PRSS23: variants seen among roughly 807,000 people sequenced by gnomAD.
The protein encoded by PRSS23 is serine protease 23.
A neutral mutation model predicts 34.7 loss-of-function variants in PRSS23; 25 were observed. That is an observed-to-expected ratio of 0.72 (90% CI 0.53 to 1.01). The LOEUF is 1.01. Among genes scored for constraint, PRSS23 ranks in the 50% least tolerant of loss-of-function variants. The probability of loss-of-function intolerance (pLI) is 0.00; values close to 1 mark genes in which losing one functional copy is unlikely to be tolerated. For synonymous variants in PRSS23, 176 were observed against 186.6 expected (o/e 0.94, Z 0.46); for missense variants, 445 against 475.6 (o/e 0.94, Z 0.60).
chr11:86,791,201 T>C (rs1433194728), intron 1 of PRSS23: 3 of 152,328 alleles, frequency 2.0e-5, no homozygotes, highest in African/African-American at 7.2e-5. Context: ...ATCTGGTAAG[T>C]CCCACCTCAC....
At chr11:86,862,129 A>G (rs756508698) in intron 2 of PRSS23, among the ~76,000 whole-genome samples, 2 of 151,726 alleles carry the variant, frequency 1.3e-5, no homozygotes, top group African/African-American at 2.4e-5. Context: ...TGCTTGTAGT[A>G]TCTGTTGGGG....
chr11:86,913,288 A>AAAAAACCTCAAAGATTAGCCAG (rs1555081375), intron 2 of PRSS23, among the ~76,000 whole-genome samples: 1 of 144,894 alleles, frequency 6.9e-6, no homozygotes, highest in African/African-American at 2.6e-5. Flanking sequence ...AAAAAAAAAA[A>AAAAAACCTCAAAGATTAGCCAG]AAACCTATTA....
At chr11:86,831,058 G>A (rs1009627484) in intron 2 of PRSS23, among the ~76,000 whole-genome samples, 3 of 151,880 alleles carry the variant, frequency 2.0e-5, no homozygotes, top group South Asian at 2.1e-4. Context: ...ATGTCAACGG[G>A]GTTTACAACT....
intron 2 of PRSS23, among the ~76,000 whole-genome samples, chr11:86,906,434 C>T (rs904307004): frequency 1.3e-5 from 2 of 152,240 alleles, no homozygotes; most frequent in African/African-American, 4.8e-5. Flanking sequence ...CCCGCCCCTG[C>T]GCCACCCCGG....
chr11:86,825,029 G>C (rs1201518501), intron 2 of PRSS23, among the ~76,000 whole-genome samples: 1 of 152,048 alleles, frequency 6.6e-6, no homozygotes, highest in Non-Finnish European at 1.5e-5. Flanking sequence ...GGTATTTCTA[G>C]TTCTAGATCC....
rs80358294 is a variant in PRSS23 at position 86,951,506 on chromosome 11, C to T, written c.*221C>T. ...TGTCCCATCCTTTTGAAGATTTGAC[C>T]GAATTTTGAACAAGGCCACCAAACC... On this transcript the variant is annotated 3_prime_UTR_variant, in exon 3 of 3. Coordinates refer to the PRSS23 transcript ENST00000533902. The T allele has an allele frequency of 3.1e-6, 5 of 1,614,092 alleles. No individual in the cohort carries two copies. The highest frequency in any genetic ancestry group is 1.6e-4 in the Middle Eastern group (1 of 6,062).
chr11:86,862,620 T>C (rs1939106), intron 2 of PRSS23, among the ~76,000 whole-genome samples: 110,644 of 151,680 alleles, frequency 0.73, 40,848 homozygotes, highest in African/African-American at 0.83. Context: ...TAATAGTATT[T>C]GTAATATTTT....
chr11:86,952,067 C>T, exon 3 of PRSS23: 1 of 1,614,080 alleles, frequency 6.2e-7, no homozygotes, highest in Non-Finnish European at 8.5e-7. Context: ...GGAGATGAAA[C>T]ACAGGCTGGC....
chr11:86,856,785 G>A (rs1388777158), intron 2 of PRSS23, among the ~76,000 whole-genome samples: 2 of 152,176 alleles, frequency 1.3e-5, no homozygotes, highest in Non-Finnish European at 2.9e-5. Context: ...AGATGGTTGT[G>A]ATTTCACCTG....
At chr11:86,797,546 TGAA>T (rs773100713), upstream of PRSS23, among the ~76,000 whole-genome samples, 20 of 152,328 alleles carry the variant, frequency 1.3e-4, no homozygotes, top group Non-Finnish European at 2.4e-4. Flanking sequence ...TGAGACCAGA[TGAA>T]GGACTGTTGT....
rs1273285740 is a variant in PRSS23 at position 86,951,305 on chromosome 11, G to A, written c.*20G>A. 10 of 1,613,964 alleles carry A rather than the reference G, an allele frequency of 6.2e-6. No homozygotes were observed. The East Asian group carries it at 8.9e-5, about 14-fold the overall frequency. On this transcript the variant is annotated 3_prime_UTR_variant, in exon 3 of 3. Transcript: ENST00000533902. The stretch of plus-strand genomic sequence containing the variant: ...GCCTGAAGTGATGCCCACCAACAAA[G>A]ACATAAAAATTTTCAACATTTCAAC...
intron 2 of PRSS23, among the ~76,000 whole-genome samples, chr11:86,895,389 C>CT (rs1373129076): frequency 2.7e-5 from 4 of 150,160 alleles, no homozygotes; most frequent in African/African-American, 9.8e-5. Context: ...TACACAATGT[C>CT]TATCATAAAT....
intron 2 of PRSS23, among the ~76,000 whole-genome samples, chr11:86,827,964 T>A (rs1948316905): frequency 6.6e-6 from 1 of 152,196 alleles, no homozygotes; most frequent in Non-Finnish European, 1.5e-5. Context: ...GAAAAATGTA[T>A]ATTCTGTTGA....
At chr11:86,885,512 A>G (rs1376766900) in intron 2 of PRSS23, among the ~76,000 whole-genome samples, 1 of 152,216 alleles carries the variant, frequency 6.6e-6, no homozygotes, top group East Asian at 1.9e-4. Context: ...GACTGTGAGT[A>G]AACGGATTAC....
At chr11:86,859,739 A>G (rs1239900807) in intron 2 of PRSS23, among the ~76,000 whole-genome samples, 1 of 152,020 alleles carries the variant, frequency 6.6e-6, no homozygotes, top group Non-Finnish European at 1.5e-5. Context: ...AGAGAATGAT[A>G]TAACTCCCAA....
intron 2 of PRSS23, among the ~76,000 whole-genome samples, chr11:86,874,223 G>A (rs1291164182): frequency 6.6e-6 from 1 of 152,190 alleles, no homozygotes; most frequent in Non-Finnish European, 1.5e-5. Flanking sequence ...TATCAGAGGA[G>A]TCCTGTGTCT....
chr11:86,933,542 G>C (rs1042677710), intron 2 of PRSS23: 2 of 152,230 alleles, frequency 1.3e-5, no homozygotes, highest in African/African-American at 4.8e-5. Context: ...CTATAGTCTA[G>C]GACTGAGGAT....
At chr11:86,831,657 C>T (rs1034136336) in intron 2 of PRSS23, among the ~76,000 whole-genome samples, 1 of 150,818 alleles carries the variant, frequency 6.6e-6, no homozygotes, top group Non-Finnish European at 1.5e-5. Context: ...TCCTAATATT[C>T]TAGGGGATGT....
intron 1 of PRSS23, among the ~76,000 whole-genome samples, chr11:86,819,310 C>G (rs1948236538): frequency 6.6e-6 from 1 of 152,220 alleles, no homozygotes; most frequent in Non-Finnish European, 1.5e-5. Flanking sequence ...AGACCAGAAC[C>G]AAGAAACGCA....
Sources: allele counts gnomAD v4.1 joint callset (sites outside exome capture counted in the v4.1 genomes callset), GRCh38; gene constraint gnomAD v4.1.1; transcripts MANE v1.5; gene names NCBI Gene and HGNC (gene_info 2026-07-23, HGNC 2026-07-21).